The following ATP6V1A variants were observed in gnomAD, a reference collection of about 807,000 sequenced individuals.
ATP6V1A encodes V-type proton ATPase catalytic subunit A.
In ATP6V1A, 18 loss-of-function variants were observed where a neutral mutation model predicts 70.1. The ratio of observed to expected loss-of-function variants is 0.26; its 90% CI spans 0.18 to 0.38. The LOEUF is 0.38. ATP6V1A is among the 10% of genes least tolerant of loss of function. The pLI is 1.00. For missense variants in ATP6V1A, 424 were observed against 772.4 expected (o/e 0.55, Z 5.35); for synonymous variants, 232 against 253.8 (o/e 0.91, Z 0.82).
At chr3:113,801,515 A>G (rs966331852) in intron 12 of ATP6V1A, among the ~76,000 whole-genome samples, 2 of 152,158 alleles carry the variant, frequency 1.3e-5, no homozygotes, top group African/African-American at 4.8e-5. Context: ...GTCTGATAGG[A>G]CTTGTTTACA....
intron 1 of ATP6V1A, among the ~76,000 whole-genome samples, chr3:113,761,566 G>A (rs57336266): frequency 0.11 from 16,748 of 149,654 alleles, 1,161 homozygotes; most frequent in South Asian, 0.29. Context: ...TAGAAATCCC[G>A]ACTCTACTAA....
intron 1 of ATP6V1A, among the ~76,000 whole-genome samples, chr3:113,765,014 AAGC>A (rs1177716189): frequency 5.3e-5 from 8 of 151,668 alleles, no homozygotes; most frequent in Non-Finnish European, 7.4e-5. Flanking sequence ...AAAAAAAAAA[AAGC>A]AGGAATTTCT....
intron 1 of ATP6V1A, among the ~76,000 whole-genome samples, chr3:113,753,276 T>C (rs755509220): frequency 1.3e-5 from 2 of 152,184 alleles, no homozygotes; most frequent in Non-Finnish European, 1.5e-5. Context: ...AAGCAAAAAT[T>C]AAGTGGTAAA....
At chr3:113,772,162 T>A (rs1708848980) in intron 1 of ATP6V1A, among the ~76,000 whole-genome samples, 1 of 152,142 alleles carries the variant, frequency 6.6e-6, no homozygotes, top group African/African-American at 2.4e-5. Flanking sequence ...CCTTTGTACC[T>A]CCATTGTGTC....
chr3:113,747,636 C>T (rs1358051605), intron 1 of ATP6V1A, among the ~76,000 whole-genome samples: 13 of 152,144 alleles, frequency 8.5e-5, no homozygotes, highest in Non-Finnish European at 4.4e-5. Flanking sequence ...CTCAGTGATT[C>T]TAAGGATTTT....
intron 1 of ATP6V1A, 87 bp from the exon 2 acceptor site, chr3:113,778,653 TG>T: frequency 1.8e-6 from 1 of 566,284 alleles, no homozygotes; most frequent in Non-Finnish European, 2.9e-6. Context: ...AAGATGAGAG[TG>T]GTCTCATCTT....
chr3:113,767,086 CTTTTTTTTTTTT>C (rs369126041), intron 1 of ATP6V1A, among the ~76,000 whole-genome samples: 1 of 107,844 alleles, frequency 9.3e-6, no homozygotes, highest in African/African-American at 3.6e-5. Flanking sequence ...GATGTTATGT[CTTTTTTTTTTTT>C]TTTTTTTTTT....
intron 5 of ATP6V1A, among the ~76,000 whole-genome samples, chr3:113,785,506 C>CTTTTTT (rs987781968): frequency 1.6e-3 from 172 of 107,134 alleles, no homozygotes; most frequent in East Asian, 4.4e-3. Flanking sequence ...TTTTTCTTTT[C>CTTTTTT]TTTTTTTTTT....
intron 1 of ATP6V1A, among the ~76,000 whole-genome samples, chr3:113,762,866 A>G (rs1009979464): frequency 1.3e-5 from 2 of 152,226 alleles, no homozygotes; most frequent in African/African-American, 2.4e-5. Context: ...CAGTATAACA[A>G]TAAACACGTA....
chr3:113,808,787 T>G (rs1436539376), intron 14 of ATP6V1A, among the ~76,000 whole-genome samples: 1 of 152,198 alleles, frequency 6.6e-6, no homozygotes, highest in Non-Finnish European at 1.5e-5. Flanking sequence ...GATAAAGGCT[T>G]TGGTCACTGA....
At chr3:113,789,704 G>T in intron 7 of ATP6V1A, 28 bp from the exon 8 acceptor site, 5 of 1,501,840 alleles carry the variant, frequency 3.3e-6, no homozygotes, top group Non-Finnish European at 4.6e-6. Context: ...AGAAATTGGA[G>T]ATTCACTAAT....
In ATP6V1A at chr3:113,772,349, T is replaced by A. The variant is rs148622856; in HGVS notation, c.-13-6392T>A. On this transcript the variant is annotated intron_variant, in intron 1 of 14. Coordinates refer to ENST00000273398, the MANE Select transcript of ATP6V1A (RefSeq NM_001690.4). ...ATGAATGATGTGAAGAAATGAATCC[T>A]GGAGAAAAGAACATTCTAGGGAGGA... Among the ~76,000 whole-genome samples the A allele has an allele frequency of 4.6e-3, 707 of 152,262 alleles. 5 individuals carry two copies. The highest frequency in any genetic ancestry group is 0.016 in the African/African-American group (685 of 41,540).
At chr3:113,770,162 C>G (rs1053988794) in intron 1 of ATP6V1A, among the ~76,000 whole-genome samples, 5 of 152,038 alleles carry the variant, frequency 3.3e-5, no homozygotes, top group Admixed American at 6.6e-5. Flanking sequence ...ATTTCTCCTC[C>G]TCCAGCCTCC....
chr3:113,765,631 T>A (rs1359886224), intron 1 of ATP6V1A, among the ~76,000 whole-genome samples: 1 of 145,874 alleles, frequency 6.9e-6, no homozygotes. Context: ...GAGAGAGAGA[T>A]GAGTGGCCGG....
chr3:113,788,626 G>GCA (rs1346113641), intron 6 of ATP6V1A, 87 bp from the exon 7 acceptor site: 7 of 1,309,794 alleles, frequency 5.3e-6, no homozygotes, highest in Non-Finnish European at 7.4e-6. Context: ...TGGGATTACA[G>GCA]GCGTGAGCCA....
intron 3 of ATP6V1A, among the ~76,000 whole-genome samples, chr3:113,783,840 A>G (rs1559755968): frequency 6.6e-6 from 1 of 152,224 alleles, no homozygotes; most frequent in Non-Finnish European, 1.5e-5. Flanking sequence ...CAAGTTTCCA[A>G]TCTGATTGCA....
chr3:113,774,590 G>A (rs945234079), intron 1 of ATP6V1A, among the ~76,000 whole-genome samples: 10 of 152,162 alleles, frequency 6.6e-5, no homozygotes, highest in African/African-American at 2.4e-4. Context: ...CAGGTGGGCA[G>A]ATCACTTGAG....
chr3:113,752,350 T>C (rs749246948), intron 1 of ATP6V1A, among the ~76,000 whole-genome samples: 2 of 151,812 alleles, frequency 1.3e-5, no homozygotes, highest in Non-Finnish European at 2.9e-5. Flanking sequence ...AGAGCATATG[T>C]ATAATAATAA....
chr3:113,772,765 A>G (rs1205893228), intron 1 of ATP6V1A, among the ~76,000 whole-genome samples: 2 of 151,614 alleles, frequency 1.3e-5, no homozygotes, highest in Non-Finnish European at 2.9e-5. Flanking sequence ...AAATGCTTGG[A>G]AGTTTACACT....
Sources: gnomAD v4.1 joint callset for allele counts (sites outside exome capture counted in the v4.1 genomes callset) on GRCh38, gnomAD v4.1.1 for gene constraint, MANE v1.5 for transcripts, NCBI Gene and HGNC (gene_info 2026-07-23, HGNC 2026-07-21) for gene names.